ELP4: variants seen among roughly 807,000 people sequenced by gnomAD.
ELP4 encodes the protein elongator complex protein 4.
Under a neutral mutation model 48.9 loss-of-function variants are expected in ELP4, and 51 were observed. The ratio of observed to expected loss-of-function variants is 1.04; its 90% CI spans 0.83 to 1.32. The LOEUF is 1.32. Ranked by LOEUF, ELP4 falls within the 40% of genes most tolerant of loss-of-function variation. ELP4 has a pLI of 0.00. For synonymous variants in ELP4, 210 were observed against 189.2 expected (o/e 1.11, Z -0.90); for missense variants, 519 against 514.6 (o/e 1.01, Z -0.08).
At chr11:31,614,695 C>T (rs567057632) in intron 5 of ELP4, among the ~76,000 whole-genome samples, 54 of 152,168 alleles carry the variant, frequency 3.5e-4, no homozygotes, top group African/African-American at 1.1e-3. Flanking sequence ...CCAGATAATA[C>T]GCAATGAGAA....
intron 9 of ELP4, among the ~76,000 whole-genome samples, chr11:31,683,314 T>G (rs532085317): frequency 1.3e-5 from 2 of 152,250 alleles, no homozygotes; most frequent in African/African-American, 4.8e-5. Context: ...AGTTTGGAGT[T>G]TTTTAATTTT....
At chr11:31,567,351 T>A (rs947910495) in intron 3 of ELP4, among the ~76,000 whole-genome samples, 7 of 152,262 alleles carry the variant, frequency 4.6e-5, no homozygotes, top group Admixed American at 1.3e-4. Flanking sequence ...GGATCAATAG[T>A]AGTATCCTAA....
At chr11:31,777,543 AT>A (rs1418277991) in intron 9 of ELP4, among the ~76,000 whole-genome samples, 2 of 152,136 alleles carry the variant, frequency 1.3e-5, no homozygotes, top group Non-Finnish European at 2.9e-5. Flanking sequence ...GTCTCCCAAT[AT>A]CCATTTACTC....
intron 3 of ELP4, among the ~76,000 whole-genome samples, chr11:31,562,733 C>T (rs1162289378): frequency 6.6e-6 from 1 of 151,914 alleles, no homozygotes; most frequent in Admixed American, 6.6e-5. Flanking sequence ...TTGAAGTATG[C>T]GTGGAAATAA....
intron 8 of ELP4, chr11:31,648,975 T>A (rs567189746): frequency 3.3e-5 from 5 of 151,786 alleles, no homozygotes; most frequent in Admixed American, 3.3e-4. Flanking sequence ...CAAATAAAAG[T>A]ATGGTGTGCT....
chr11:31,683,462 G>T (rs1185474304), intron 9 of ELP4, among the ~76,000 whole-genome samples: 1 of 152,146 alleles, frequency 6.6e-6, no homozygotes, highest in South Asian at 2.1e-4. Context: ...CAAATTGAGT[G>T]TATTATTTTG....
At chr11:31,746,321 T>A (rs1417709619) in intron 9 of ELP4, among the ~76,000 whole-genome samples, 1 of 152,178 alleles carries the variant, frequency 6.6e-6, no homozygotes, top group Admixed American at 6.5e-5. Flanking sequence ...ATTGTGGAAG[T>A]CAGTGTGGTG....
chr11:31,693,236 G>A (rs1240603425), intron 9 of ELP4, among the ~76,000 whole-genome samples: 1 of 152,010 alleles, frequency 6.6e-6, no homozygotes, highest in Non-Finnish European at 1.5e-5. Flanking sequence ...GTATACATGT[G>A]CCATGTTGGT....
chr11:31,594,725 T>C, intron 3 of ELP4, 45 bp from the exon 4 acceptor site: 1 of 1,397,446 alleles, frequency 7.2e-7, no homozygotes, highest in South Asian at 1.7e-5. Context: ...AAAATTGTCA[T>C]ATTTTACCAC....
chr11:31,775,632 C>G (rs1015974343), intron 9 of ELP4, among the ~76,000 whole-genome samples: 1 of 151,820 alleles, frequency 6.6e-6, no homozygotes, highest in Admixed American at 6.6e-5. Context: ...CCCAGGAGTT[C>G]GAGACCAGCC....
chr11:31,539,402 G>A (rs1325455769), intron 2 of ELP4, among the ~76,000 whole-genome samples: 2 of 152,118 alleles, frequency 1.3e-5, no homozygotes, highest in African/African-American at 2.4e-5. Context: ...GCAGTGAGCC[G>A]AGATTGCGCC....
At chr11:31,595,753 T>C (rs1364713037) in intron 4 of ELP4, among the ~76,000 whole-genome samples, 1 of 152,162 alleles carries the variant, frequency 6.6e-6, no homozygotes, top group Non-Finnish European at 1.5e-5. Flanking sequence ...TCTACAGGAA[T>C]GTTCTGGGTA....
chr11:31,581,017 TGATAC>T (rs1298947551), intron 3 of ELP4, among the ~76,000 whole-genome samples: 1 of 152,226 alleles, frequency 6.6e-6, no homozygotes, highest in Non-Finnish European at 1.5e-5. Context: ...TTCTCCTTTC[TGATAC>T]ATCTATTGTT....
At position 31,741,334 on chromosome 11, in the gene ELP4, A is replaced by G. The variant is rs543298152; in HGVS notation, c.1144-42059A>G. 3.1e-3 allele frequency among the ~76,000 whole-genome samples: 477 copies of G among 152,290 alleles called. 3 individuals are homozygous for G. The highest frequency in any genetic ancestry group is 0.01 in the Middle Eastern group (3 of 294). On this transcript the variant is annotated intron_variant, in intron 9 of 9. Transcript: ENST00000640961. ...ACCTCTGGGGGCAGGGCACAGACAA[A>G]CAAAAAGACAGCAGTAACCTCTGCA...
At chr11:31,726,762 C>T (rs1297349891) in intron 9 of ELP4, among the ~76,000 whole-genome samples, 5 of 152,064 alleles carry the variant, frequency 3.3e-5, no homozygotes, top group East Asian at 1.9e-4. Context: ...TTATGTAGGT[C>T]GTATCATACA....
At chr11:31,654,672 G>T (rs1489137497) in intron 9 of ELP4, 1 of 151,780 alleles carries the variant, frequency 6.6e-6, no homozygotes, top group Non-Finnish European at 1.5e-5. Context: ...CAGGACAGGG[G>T]TGCTAGTAGC....
intron 9 of ELP4, among the ~76,000 whole-genome samples, chr11:31,694,263 C>G (rs1440506698): frequency 6.6e-6 from 1 of 152,112 alleles, no homozygotes; most frequent in African/African-American, 2.4e-5. Flanking sequence ...ATGGTATTGC[C>G]TAGGTTTTCT....
At chr11:31,614,716 T>C (rs1467852197) in intron 5 of ELP4, among the ~76,000 whole-genome samples, 1 of 152,170 alleles carries the variant, frequency 6.6e-6, no homozygotes, top group Non-Finnish European at 1.5e-5. Context: ...CTCAGCAATA[T>C]TTCTGTGATA....
chr11:31,716,889 G>A (rs963824735), intron 9 of ELP4, among the ~76,000 whole-genome samples: 1 of 152,202 alleles, frequency 6.6e-6, no homozygotes, highest in Admixed American at 6.5e-5. Flanking sequence ...TCAGAGAAAA[G>A]AGAAATCTTT....
Sources: allele counts gnomAD v4.1 joint callset (sites outside exome capture counted in the v4.1 genomes callset), GRCh38; gene constraint gnomAD v4.1.1; transcripts MANE v1.5; gene names NCBI Gene and HGNC (gene_info 2026-07-23, HGNC 2026-07-21).